The following FOXN3 variants were observed in gnomAD, a reference collection of about 807,000 sequenced individuals.
FOXN3 encodes the protein forkhead box protein N3.
Under a neutral mutation model 38.4 loss-of-function variants are expected in FOXN3, and 7 were observed. That is an observed-to-expected ratio of 0.18 (90% CI 0.10 to 0.34). FOXN3 has a LOEUF of 0.34. Among genes scored for constraint, FOXN3 ranks in the 10% least tolerant of loss-of-function variants. The pLI, the probability that FOXN3 is intolerant of heterozygous loss-of-function variation, is 1.00. For synonymous variants in FOXN3, 230 were observed against 242.2 expected, an observed-to-expected ratio of 0.95 and a Z score of 0.47; for missense variants, 456 against 613.4, an observed-to-expected ratio of 0.74 and a Z score of 2.71.
intron 1 of FOXN3, among the ~76,000 whole-genome samples, chr14:89,474,038 C>T (rs546658212): frequency 7.9e-5 from 12 of 152,306 alleles, no homozygotes; most frequent in African/African-American, 2.9e-4. Flanking sequence ...AAGCTGTGAC[C>T]GATAACATCT....
At chr14:89,591,421 G>A (rs1330002521) in intron 1 of FOXN3, among the ~76,000 whole-genome samples, 1 of 152,136 alleles carries the variant, frequency 6.6e-6, no homozygotes, top group Non-Finnish European at 1.5e-5. Context: ...TGGCCCCAGA[G>A]GAAAACCTCC....
chr14:89,381,516 A>G (rs1465417491), intron 2 of FOXN3, among the ~76,000 whole-genome samples: 2 of 142,046 alleles, frequency 1.4e-5, no homozygotes, highest in African/African-American at 5.3e-5. Context: ...TGCAGCCCAA[A>G]AAAAGCCTCA....
intron 2 of FOXN3, among the ~76,000 whole-genome samples, chr14:89,363,980 AT>A (rs1890037849): frequency 3.4e-5 from 3 of 89,090 alleles, no homozygotes; most frequent in African/African-American, 1.0e-4. Context: ...ATATATATAT[AT>A]ATATATAATA....
At chr14:89,539,289 A>G (rs1361176003) in intron 1 of FOXN3, among the ~76,000 whole-genome samples, 2 of 152,250 alleles carry the variant, frequency 1.3e-5, no homozygotes, top group Non-Finnish European at 2.9e-5. Flanking sequence ...AGAAAAGGAA[A>G]TAAAATAAAA....
At chr14:89,193,662 CA>C (rs1288331199) in intron 4 of FOXN3, among the ~76,000 whole-genome samples, 12 of 152,136 alleles carry the variant, frequency 7.9e-5, no homozygotes, top group Non-Finnish European at 8.8e-5. Flanking sequence ...GGATTGTTTC[CA>C]GTTTGGGATA....
At chr14:89,406,406 A>AG (rs1891389519) in intron 2 of FOXN3, among the ~76,000 whole-genome samples, 2 of 151,478 alleles carry the variant, frequency 1.3e-5, no homozygotes, top group Non-Finnish European at 3.0e-5. Flanking sequence ...TGTGACAGAG[A>AG]CCCTGTCTCA....
At chr14:89,571,777 T>C (rs1213084869) in intron 1 of FOXN3, among the ~76,000 whole-genome samples, 1 of 152,128 alleles carries the variant, frequency 6.6e-6, no homozygotes, top group Non-Finnish European at 1.5e-5. Flanking sequence ...TGCCTACCCA[T>C]AAAATATAGG....
At chr14:89,438,086 ATT>A (rs767507017) in intron 1 of FOXN3, among the ~76,000 whole-genome samples, 36 of 152,284 alleles carry the variant, frequency 2.4e-4, no homozygotes, top group Non-Finnish European at 5.0e-4. Flanking sequence ...ATAAGAACAC[ATT>A]CTTTAGTAAT....
chr14:89,276,881 C>T (rs1388295916), intron 4 of FOXN3, among the ~76,000 whole-genome samples: 1 of 152,192 alleles, frequency 6.6e-6, no homozygotes, highest in African/African-American at 2.4e-5. Flanking sequence ...GATATAAAAT[C>T]AGCATGGCTT....
rs750703953 is a variant in FOXN3 at position 89,157,840 on chromosome 14, G to A, written c.*4574C>T. On this transcript the variant is annotated 3_prime_UTR_variant, in exon 6 of 6. Transcript: ENST00000557258. ...ATAGTATTGGTGGGCTGGGACCTAC[G>A]ACACTAAGGACTTAACTGTCAACAC... The A allele has an allele frequency of 3.3e-5, 5 of 152,570 alleles. No individual in the cohort carries two copies. Among genetic ancestry groups the A allele is most frequent in the South Asian group, 2.1e-4 (1 of 4,836 alleles). 9.5% of individuals were successfully genotyped at this position (152,570 alleles called of 1,614,324 possible). A position where few individuals can be genotyped will look rare whatever the true frequency, so the allele number is the denominator to read the frequency against.
At chr14:89,183,051 A>G (rs1002592738) in intron 4 of FOXN3, among the ~76,000 whole-genome samples, 3 of 152,246 alleles carry the variant, frequency 2.0e-5, no homozygotes, top group African/African-American at 7.2e-5. Flanking sequence ...TCTCAAGGAC[A>G]GACATATGTA....
intron 1 of FOXN3, among the ~76,000 whole-genome samples, chr14:89,601,101 G>A (rs766685662): frequency 6.6e-6 from 1 of 152,202 alleles, no homozygotes; most frequent in Admixed American, 6.5e-5. Flanking sequence ...CCAGAGCCAA[G>A]CCCAGGGAGA....
chr14:89,280,947 T>C lies in FOXN3; in HGVS notation c.745+3A>G, dbSNP rs532927912. ...AGAGGAAGGGGTGTTACTAGGGACC[T>C]ACCTTGGAGAAGGGCTCCATTTCTC... On this transcript the variant is annotated splice_donor_region_variant and intron_variant, in intron 4 of 5. Coordinates refer to ENST00000557258, the MANE Select transcript of FOXN3 (RefSeq NM_005197.4). 3.1e-6 allele frequency: 5 copies of C among 1,613,284 alleles called. No individual in the cohort carries two copies. The highest frequency in any genetic ancestry group is 2.2e-5 in the East Asian group (1 of 44,850).
At chr14:89,426,519 G>C (rs577162158) in intron 1 of FOXN3, among the ~76,000 whole-genome samples, 1 of 152,070 alleles carries the variant, frequency 6.6e-6, no homozygotes, top group South Asian at 2.1e-4. Flanking sequence ...CACCATGCCC[G>C]GGCAGGAGTA....
In FOXN3 at chr14:89,220,303, A is replaced by G. The variant is rs72699565; in HGVS notation, c.746-39497T>C. On this transcript the variant is annotated intron_variant, in intron 4 of 5. Coordinates refer to ENST00000557258, the MANE Select transcript of FOXN3 (RefSeq NM_005197.4). ...CAGTACTTACCAGCAGTGTGACCAC[A>G]GTCAAGATACTTAACCTCTTTGTGC... 1.1e-3 allele frequency among the ~76,000 whole-genome samples: 161 copies of G among 152,320 alleles called. 1 individual carries two copies. Among genetic ancestry groups the G allele is most frequent in the Non-Finnish European group, 1.7e-3 (114 of 68,028 alleles).
intron 1 of FOXN3, among the ~76,000 whole-genome samples, chr14:89,425,720 T>C (rs968205663): frequency 2.6e-5 from 4 of 152,208 alleles, no homozygotes; most frequent in Admixed American, 6.5e-5. Flanking sequence ...TCACAAACAC[T>C]GAATTAACAA....
At chr14:89,239,319 G>A (rs886435045) in intron 4 of FOXN3, among the ~76,000 whole-genome samples, 2 of 152,158 alleles carry the variant, frequency 1.3e-5, no homozygotes, top group African/African-American at 4.8e-5. Flanking sequence ...TTTCGTAAGC[G>A]GGGTTTAAGA....
chr14:89,331,750 G>A (rs563234548), intron 3 of FOXN3, among the ~76,000 whole-genome samples: 2 of 152,266 alleles, frequency 1.3e-5, no homozygotes, highest in African/African-American at 2.4e-5. Flanking sequence ...TGAAACAAAG[G>A]TTTCACAAAA....
chr14:89,193,638 G>A (rs1047857009), intron 4 of FOXN3, among the ~76,000 whole-genome samples: 35 of 152,104 alleles, frequency 2.3e-4, no homozygotes, highest in African/African-American at 6.8e-4. Context: ...TCCATTCACC[G>A]GTAGGTTGAC....
Sources: allele counts gnomAD v4.1 joint callset (sites outside exome capture counted in the v4.1 genomes callset), GRCh38; gene constraint gnomAD v4.1.1; transcripts MANE v1.5; gene names NCBI Gene and HGNC (gene_info 2026-07-23, HGNC 2026-07-21).